DPP10: variants seen among roughly 807,000 people sequenced by gnomAD.
DPP10 encodes inactive dipeptidyl peptidase 10.
In DPP10, 33 loss-of-function variants were observed where a neutral mutation model predicts 120.9. The observed-to-expected ratio is 0.27, with a 90% CI of 0.21 to 0.37. DPP10 has a LOEUF of 0.37. DPP10 is among the 10% of genes least tolerant of loss of function. DPP10 has a pLI of 1.00. For missense variants in DPP10, 816 were observed against 942.8 expected, an observed-to-expected ratio of 0.87 and a Z score of 1.76; for synonymous variants, 337 against 326.1, an observed-to-expected ratio of 1.03 and a Z score of -0.36.
chr2:115,048,950 A>G (rs1473732160), intron 1 of DPP10, among the ~76,000 whole-genome samples: 2 of 152,124 alleles, frequency 1.3e-5, no homozygotes, highest in East Asian at 3.9e-4. Context: ...TTGCCCAGTC[A>G]TCTGTAAGTA....
At chr2:114,769,168 G>C (rs1020312346) in intron 1 of DPP10, among the ~76,000 whole-genome samples, 2 of 152,158 alleles carry the variant, frequency 1.3e-5, no homozygotes, top group African/African-American at 4.8e-5. Flanking sequence ...GGAATCACCT[G>C]AAGAGGCACA....
intron 5 of DPP10, among the ~76,000 whole-genome samples, chr2:115,649,726 GA>G (rs1163519698): frequency 1.3e-5 from 2 of 152,034 alleles, no homozygotes; most frequent in Non-Finnish European, 1.5e-5. Flanking sequence ...TAGTCAGAAT[GA>G]AAATGTGCTC....
At chr2:115,468,103 C>G in intron 3 of DPP10, 1 of 476,686 alleles carries the variant, frequency 2.1e-6, no homozygotes, top group South Asian at 1.5e-5. Flanking sequence ...AGGATGTCCT[C>G]AAGTTTCTTA....
chr2:115,713,479 T>A (rs1422284180), intron 7 of DPP10, among the ~76,000 whole-genome samples: 3 of 152,148 alleles, frequency 2.0e-5, no homozygotes, highest in African/African-American at 7.2e-5. Flanking sequence ...ATGACTGGTG[T>A]GAACAGGAAT....
At chr2:115,301,631 A>G (rs1167159893) in intron 1 of DPP10, among the ~76,000 whole-genome samples, 1 of 152,056 alleles carries the variant, frequency 6.6e-6, no homozygotes, top group African/African-American at 2.4e-5. Flanking sequence ...GAGCTCCCAA[A>G]AAGCTGTTTT....
chr2:114,886,080 A>C (rs146684267), intron 1 of DPP10, among the ~76,000 whole-genome samples: 1 of 152,322 alleles, frequency 6.6e-6, no homozygotes, highest in East Asian at 1.9e-4. Context: ...TATGAATTTA[A>C]TCAAATGATC....
At chr2:115,103,834 A>T (rs549423582) in intron 1 of DPP10, among the ~76,000 whole-genome samples, 1 of 152,198 alleles carries the variant, frequency 6.6e-6, no homozygotes, top group Admixed American at 6.5e-5. Context: ...CTGCTTCCCA[A>T]CCAGGAATGT....
intron 1 of DPP10, among the ~76,000 whole-genome samples, chr2:114,888,029 G>T (rs1424594439): frequency 6.6e-6 from 1 of 151,800 alleles, no homozygotes; most frequent in Non-Finnish European, 1.5e-5. Flanking sequence ...TGTAGTCCCA[G>T]CTACTGGGGA....
intron 1 of DPP10, among the ~76,000 whole-genome samples, chr2:115,201,390 G>C (rs2055707438): frequency 6.6e-6 from 1 of 152,118 alleles, no homozygotes; most frequent in African/African-American, 2.4e-5. Flanking sequence ...TGGAACCCGG[G>C]TGGCAGAGGC....
chr2:115,788,079 A>G (rs1683539531), intron 17 of DPP10, among the ~76,000 whole-genome samples: 1 of 152,178 alleles, frequency 6.6e-6, no homozygotes, highest in Admixed American at 6.5e-5. Flanking sequence ...TTGCTCTTCT[A>G]AATAACAAAT....
intron 19 of DPP10, among the ~76,000 whole-genome samples, chr2:115,813,833 GT>G (rs1445980921): frequency 1.3e-5 from 2 of 152,170 alleles, no homozygotes; most frequent in African/African-American, 4.8e-5. Flanking sequence ...AGAGTTTGGT[GT>G]TTTTACCTTG....
chr2:115,049,646 G>A (rs1332640649), intron 1 of DPP10, among the ~76,000 whole-genome samples: 7 of 152,014 alleles, frequency 4.6e-5, no homozygotes, highest in Non-Finnish European at 8.8e-5. Flanking sequence ...AAAGTACTCC[G>A]TATCTGAATC....
chr2:114,790,710 G>A (rs943742809), intron 1 of DPP10, among the ~76,000 whole-genome samples: 2 of 152,188 alleles, frequency 1.3e-5, no homozygotes, highest in African/African-American at 4.8e-5. Flanking sequence ...TTTTGAGCCA[G>A]GATGAGCCAG....
intron 1 of DPP10, among the ~76,000 whole-genome samples, chr2:114,917,661 C>G (rs1389663345): frequency 1.3e-5 from 2 of 152,068 alleles, no homozygotes; most frequent in African/African-American, 4.8e-5. Flanking sequence ...TACACACCTG[C>G]AACCATCAGA....
intron 1 of DPP10, among the ~76,000 whole-genome samples, chr2:114,542,189 A>T (rs765108203): frequency 6.6e-6 from 1 of 151,646 alleles, no homozygotes; most frequent in Non-Finnish European, 1.5e-5. Context: ...CTGGTATGAC[A>T]GGCATGTGTC....
chr2:115,343,041 A>C (rs1445907112), intron 2 of DPP10, among the ~76,000 whole-genome samples: 1 of 152,224 alleles, frequency 6.6e-6, no homozygotes, highest in Non-Finnish European at 1.5e-5. Flanking sequence ...AGATGAATTT[A>C]TACAGCAAAT....
chr2:114,926,731 C>A (rs995176305), intron 1 of DPP10, among the ~76,000 whole-genome samples: 1 of 152,172 alleles, frequency 6.6e-6, no homozygotes, highest in Non-Finnish European at 1.5e-5. Flanking sequence ...GATAGGCAAA[C>A]CCTTGAACAG....
At chr2:115,722,073 A>G (rs964374653) in intron 7 of DPP10, among the ~76,000 whole-genome samples, 1 of 152,098 alleles carries the variant, frequency 6.6e-6, no homozygotes, top group Non-Finnish European at 1.5e-5. Flanking sequence ...TTAAGAGTGA[A>G]ATGGTGATTG....
chr2:115,634,381 T>A (rs572084563), intron 5 of DPP10, among the ~76,000 whole-genome samples: 1 of 152,276 alleles, frequency 6.6e-6, no homozygotes, highest in East Asian at 1.9e-4. Context: ...TTTGGATGGG[T>A]TTTTTTGTGG....
Sources: gnomAD v4.1 joint callset for allele counts (sites outside exome capture counted in the v4.1 genomes callset) on GRCh38, gnomAD v4.1.1 for gene constraint, MANE v1.5 for transcripts, NCBI Gene and HGNC (gene_info 2026-07-23, HGNC 2026-07-21) for gene names.